NKTR: variants seen among roughly 807,000 people sequenced by gnomAD.
NKTR encodes the protein NK-tumor recognition protein.
A neutral mutation model predicts 156.3 loss-of-function variants in NKTR; 67 were observed. That is an observed-to-expected ratio of 0.43 (90% confidence interval 0.35 to 0.53). The LOEUF (loss-of-function observed/expected upper bound fraction) is 0.53. Among genes scored for constraint, NKTR ranks in the 20% least tolerant of loss-of-function variants. NKTR has a pLI of 0.01. For synonymous variants in NKTR, 640 were observed against 596.6 expected, an observed-to-expected ratio of 1.07 and a Z score of -1.06; for missense variants, 1,604 against 1,730.9, an observed-to-expected ratio of 0.93 and a Z score of 1.30.
At position 42,642,707 on chromosome 3, in the gene NKTR, T is replaced by G. The variant is rs1709997737; in HGVS notation, c.4142+111T>G. On this transcript the variant is annotated intron_variant, in intron 14 of 16. Transcript: ENST00000232978. ...AGAATCATGTCATTACTGAATATAC[T>G]ACTGGCCTATTTTCTCATGTAGTTT... 3 of 739,008 alleles carry G rather than the reference T, an allele frequency of 4.1e-6. No homozygotes were observed. In the East Asian group the frequency reaches 7.9e-5, roughly 20 times the overall value. The allele number at this position is 739,008 out of a possible 1,614,324, so 45.8% of individuals were successfully genotyped here.
chr3:42,638,865 A>G lies in NKTR; in HGVS notation c.3161A>G (p.Asn1054Ser), dbSNP rs1559589735. 6.2e-7 allele frequency: 1 copy of G among 1,606,062 alleles called. No individual in the cohort carries two copies. The highest frequency in any genetic ancestry group is 1.7e-5 in the Admixed American group (1 of 57,892). The change falls in exon 13 of 17, where the codon AAT (asparagine) becomes AGT (serine). Residue 1054 changes from asparagine (N) to serine (S), a missense_variant. Asn to Ser is a conservative substitution (Grantham distance 46, BLOSUM62 1). This residue lies in a region of NKTR where 1,255 missense variants were observed against 1,243.7 expected (regional missense o/e 1.01). Coordinates refer to ENST00000232978, the MANE Select transcript of NKTR (RefSeq NM_005385.4). Reference sequence around the variant, plus strand: ...GAAAACAATGAAACCATAAAAGATAATATTCTAAAAACTGAGAAATCCAGT... The same window carrying G: ...GAAAACAATGAAACCATAAAAGATAGTATTCTAAAAACTGAGAAATCCAGT... ...VSENNETIKD[N>S]ILKTEKSSEE...
chr3:42,627,735 A>T (rs2125797947), intron 6 of NKTR: 1 of 983,578 alleles, frequency 1.0e-6, no homozygotes, highest in African/African-American at 1.7e-5. Context: ...TTACAATTTG[A>T]AATGTTCTTT....
chr3:42,611,505 G>A (rs1160133122), intron 2 of NKTR, among the ~76,000 whole-genome samples: 3 of 151,938 alleles, frequency 2.0e-5, no homozygotes, highest in Non-Finnish European at 2.9e-5. Context: ...AGGTCGAGGC[G>A]GGCAAATCAC....
chr3:42,641,874 CAA>C (rs35450151), intron 13 of NKTR, among the ~76,000 whole-genome samples: 7 of 110,358 alleles, frequency 6.3e-5, no homozygotes, highest in Admixed American at 9.5e-5. Context: ...CAAGACTCCT[CAA>C]AAAAAAAAAA....
At chr3:42,630,942 G>A (rs1350268086) in intron 7 of NKTR, 3 of 1,401,060 alleles carry the variant, frequency 2.1e-6, no homozygotes, top group Middle Eastern at 2.6e-4. Context: ...CCCTAAAATG[G>A]TTAAGAACCA....
chr3:42,619,283 G>C, intron 4 of NKTR, 156 bp downstream of exon 4: 1 of 1,425,120 alleles, frequency 7.0e-7, no homozygotes, highest in Non-Finnish European at 9.1e-7. Flanking sequence ...GGTCCAGAAT[G>C]TATGAAAAAG....
chr3:42,635,552 C>A, intron 12 of NKTR, 186 bp downstream of exon 12: 1 of 444,980 alleles, frequency 2.2e-6, no homozygotes. Flanking sequence ...GCTTTTAAAT[C>A]AAAATCCTGT....
intron 16 of NKTR, 86 bp from the exon 17 acceptor site, chr3:42,645,802 G>A: frequency 1.3e-6 from 1 of 798,686 alleles, no homozygotes; most frequent in South Asian, 1.8e-5. Flanking sequence ...ATGTTTTCAA[G>A]CCACTCATAT....
At position 42,638,409 on chromosome 3, in the gene NKTR, ACTCCCATCCATC is replaced by A. The variant is rs778658613; in HGVS notation, c.2709_2720del (p.His904_Ser907del). The stretch of plus-strand genomic sequence containing the variant: ...GATGTCACTAAAAACAGTAAAAATG[ACTCCCATCCATC>A]CTCTGACAAGGAAGAAGGTGAGGCC... On this transcript the variant is annotated inframe_deletion, in exon 13 of 17. Coordinates refer to ENST00000232978, the MANE Select transcript of NKTR (RefSeq NM_005385.4). 6.2e-7 allele frequency: 1 copy of A among 1,613,834 alleles called. No homozygotes were observed. The highest frequency in any genetic ancestry group is 1.1e-5 in the South Asian group (1 of 90,978).
At chr3:42,632,500 G>C (rs895842617) in intron 8 of NKTR, 101 bp from the exon 9 acceptor site, 5 of 686,172 alleles carry the variant, frequency 7.3e-6, no homozygotes, top group Non-Finnish European at 1.2e-5. Context: ...TTTGTTTGCT[G>C]TATGTAAAGC....
chr3:42,609,780 TA>T (rs1706587296), intron 2 of NKTR, among the ~76,000 whole-genome samples: 1 of 152,214 alleles, frequency 6.6e-6, no homozygotes, highest in African/African-American at 2.4e-5. Flanking sequence ...GTTATGTAGG[TA>T]GAATGTTTCT....
rs1358636342 is a variant in NKTR at position 42,632,596 on chromosome 3, A to G, written c.551-5A>G. ...ACTAATGTTTTTATTAATGTTTCTT[A>G]AAAGTTTTTGAGAAAAAAAGGAAGA... On this transcript the variant is annotated splice_region_variant and splice_polypyrimidine_tract_variant and intron_variant, in intron 8 of 16. Transcript: ENST00000232978. 1.3e-6 allele frequency: 2 copies of G among 1,581,672 alleles called. No homozygotes were observed. The highest frequency in any genetic ancestry group is 1.4e-5 in the African/African-American group (1 of 73,216).
rs1710132645 is a variant in NKTR at position 42,643,931 on chromosome 3, G to A, written c.4229G>A (p.Arg1410Lys). The A allele has an allele frequency of 3.7e-6, 6 of 1,613,954 alleles. No individual in the cohort carries two copies. Among genetic ancestry groups the A allele is most frequent in the African/African-American group, 1.3e-5 (1 of 74,898 alleles). ...RSYTYDSYYS[R>K]SRSRSRSQRS... The stretch of plus-strand genomic sequence containing the variant: ...TACACCTACGATAGCTACTATAGCA[G>A]GAGTCGGAGTCGAAGTAGAAGCCAG... Residue 1410 changes from arginine to lysine, a missense_variant, in exon 16 of 17, where the codon AGG becomes AAG. Physicochemically the swap from Arg to Lys is conservative, Grantham distance 26. Coordinates refer to ENST00000232978, the MANE Select transcript of NKTR (RefSeq NM_005385.4).
chr3:42,619,386 A>G (rs1707699816), intron 4 of NKTR: 6 of 1,190,878 alleles, frequency 5.0e-6, no homozygotes, highest in East Asian at 2.9e-5. Flanking sequence ...AATGAATGCC[A>G]AAGTACTGTC....
chr3:42,607,239 G>C (rs6778982), intron 2 of NKTR, among the ~76,000 whole-genome samples: 1 of 151,844 alleles, frequency 6.6e-6, no homozygotes, highest in Non-Finnish European at 1.5e-5. Context: ...GGGTGCGTGC[G>C]GCTCTTAACA....
intron 6 of NKTR, among the ~76,000 whole-genome samples, chr3:42,624,332 A>G (rs1026501523): frequency 3.9e-5 from 6 of 152,090 alleles, no homozygotes; most frequent in African/African-American, 1.4e-4. Flanking sequence ...CACTATACCC[A>G]TGAATCACTA....
intron 2 of NKTR, among the ~76,000 whole-genome samples, chr3:42,616,296 A>G (rs990741277): frequency 6.6e-6 from 1 of 152,244 alleles, no homozygotes; most frequent in Non-Finnish European, 1.5e-5. Flanking sequence ...GGGGAAAGGA[A>G]CTGAAGAGTA....
chr3:42,643,308 AGAT>A, intron 14 of NKTR, 28 bp from the exon 15 acceptor site: 1 of 1,602,648 alleles, frequency 6.2e-7, no homozygotes, highest in Middle Eastern at 1.7e-4. Flanking sequence ...CTGATCTATA[AGAT>A]GATGGTCCTT....
intron 10 of NKTR, among the ~76,000 whole-genome samples, chr3:42,634,065 A>G (rs1266128942): frequency 1.3e-5 from 2 of 152,206 alleles, no homozygotes; most frequent in Non-Finnish European, 2.9e-5. Flanking sequence ...GGTTTTAGTT[A>G]TCAGAATAGA....
Sources: allele counts gnomAD v4.1 joint callset (sites outside exome capture counted in the v4.1 genomes callset), GRCh38; gene constraint gnomAD v4.1.1; regional missense constraint gnomAD v4.1.1; transcripts MANE v1.5; gene names NCBI Gene and HGNC (gene_info 2026-07-23, HGNC 2026-07-21).